The following CLNK variants were observed in gnomAD, a reference collection of about 807,000 sequenced individuals.
CLNK encodes cytokine-dependent hematopoietic cell linker.
A neutral mutation model predicts 68.6 loss-of-function variants in CLNK; 74 were observed. The observed-to-expected ratio is 1.08, with a 90% CI of 0.89 to 1.31. CLNK has a LOEUF of 1.31. Ranked by LOEUF, CLNK falls within the 50% of genes most tolerant of loss-of-function variation. The probability of loss-of-function intolerance (pLI) is 0.00; values close to 1 mark genes in which losing one functional copy is unlikely to be tolerated. For missense variants in CLNK, 553 were observed against 515.3 expected (o/e 1.07, Z -0.71); for synonymous variants, 198 against 172.2 (o/e 1.15, Z -1.17).
At chr4:10,549,468 A>T (rs1288144286) in intron 8 of CLNK, among the ~76,000 whole-genome samples, 2 of 152,190 alleles carry the variant, frequency 1.3e-5, no homozygotes, top group Non-Finnish European at 2.9e-5. Flanking sequence ...TTGAATCTTG[A>T]TCCTGTTCAT....
At chr4:10,671,176 A>T (rs1724618849) in intron 1 of CLNK, among the ~76,000 whole-genome samples, 2 of 152,146 alleles carry the variant, frequency 1.3e-5, no homozygotes, top group Non-Finnish European at 2.9e-5. Context: ...ACCTGAGGCC[A>T]GGAGTTCGAG....
intron 1 of CLNK, among the ~76,000 whole-genome samples, chr4:10,671,935 A>G (rs1724660587): frequency 6.6e-6 from 1 of 152,172 alleles, no homozygotes; most frequent in African/African-American, 2.4e-5. Context: ...TCTAAGATAA[A>G]AGTTTGCTAG....
At chr4:10,662,587 C>T (rs559354822) in intron 2 of CLNK, among the ~76,000 whole-genome samples, 1 of 152,008 alleles carries the variant, frequency 6.6e-6, no homozygotes, top group Non-Finnish European at 1.5e-5. Flanking sequence ...GGGTGAGAAA[C>T]CTTATTTAAG....
intron 2 of CLNK, among the ~76,000 whole-genome samples, chr4:10,662,090 C>T (rs1488653054): frequency 6.6e-6 from 1 of 152,142 alleles, no homozygotes; most frequent in Non-Finnish European, 1.5e-5. Flanking sequence ...TGTGTTCCTA[C>T]ATAATATTAG....
At chr4:10,580,671 A>T (rs986234712) in intron 4 of CLNK, among the ~76,000 whole-genome samples, 8 of 152,114 alleles carry the variant, frequency 5.3e-5, no homozygotes, top group Non-Finnish European at 1.2e-4. Context: ...AAAATTAAAA[A>T]TAGAAAAAAT....
chr4:10,725,953 A>G, the CLNK span, among the ~76,000 whole-genome samples: 1 of 152,262 alleles, frequency 6.6e-6, no homozygotes, highest in African/African-American at 2.4e-5. Flanking sequence ...TCAAAGCAGC[A>G]CAAACAGAGT....
chr4:10,594,490 C>G (rs949163353), intron 3 of CLNK, among the ~76,000 whole-genome samples: 3 of 152,224 alleles, frequency 2.0e-5, no homozygotes, highest in African/African-American at 7.2e-5. Context: ...GGCTCCAGCA[C>G]GTGTCCTTCT....
intron 2 of CLNK, among the ~76,000 whole-genome samples, chr4:10,625,091 A>G (rs1395094456): frequency 6.6e-6 from 1 of 152,224 alleles, no homozygotes; most frequent in Non-Finnish European, 1.5e-5. Flanking sequence ...AGCTGCAGGC[A>G]AGCCAAGATC....
the CLNK span, among the ~76,000 whole-genome samples, chr4:10,722,175 T>G: frequency 6.6e-6 from 1 of 151,894 alleles, no homozygotes; most frequent in Non-Finnish European, 1.5e-5. Flanking sequence ...GTCTCAAAAA[T>G]AAGTAAATAA....
chr4:10,667,774 AT>A, intron 2 of CLNK, 84 bp downstream of exon 2: 2 of 1,335,160 alleles, frequency 1.5e-6, no homozygotes, highest in Non-Finnish European at 2.0e-6. Context: ...CATTGGCATC[AT>A]TTCTCAGTTC....
At chr4:10,493,998 G>C (rs915242535) in intron 18 of CLNK, among the ~76,000 whole-genome samples, 1 of 152,188 alleles carries the variant, frequency 6.6e-6, no homozygotes, top group African/African-American at 2.4e-5. Flanking sequence ...CAGGCCTTAT[G>C]ATTAACTCCT....
chr4:10,693,606 C>A, the CLNK span, among the ~76,000 whole-genome samples: 3 of 152,212 alleles, frequency 2.0e-5, no homozygotes, highest in Non-Finnish European at 4.4e-5. Context: ...GCCTCCAGAA[C>A]CCTGAGAGGA....
intron 2 of CLNK, among the ~76,000 whole-genome samples, chr4:10,600,238 A>G (rs539093776): frequency 1.3e-5 from 2 of 152,170 alleles, no homozygotes; most frequent in East Asian, 1.9e-4. Context: ...TTCAAGGTCA[A>G]TTTCAAATAT....
intron 8 of CLNK, among the ~76,000 whole-genome samples, chr4:10,550,522 A>G (rs1326034433): frequency 1.3e-5 from 2 of 152,084 alleles, no homozygotes; most frequent in African/African-American, 4.8e-5. Flanking sequence ...AAAAAATTAC[A>G]TAAACATACA....
chr4:10,557,117 AAATG>A (rs1160548269), intron 8 of CLNK, among the ~76,000 whole-genome samples: 3 of 151,274 alleles, frequency 2.0e-5, no homozygotes, highest in East Asian at 1.9e-4. Flanking sequence ...ATAAATAAAT[AAATG>A]GAGAACTCAG....
intron 1 of CLNK, among the ~76,000 whole-genome samples, chr4:10,680,260 C>T (rs1046342898): frequency 2.0e-5 from 3 of 150,878 alleles, no homozygotes; most frequent in South Asian, 2.1e-4. Flanking sequence ...AGCAAGCTAT[C>T]GCAAGGACAA....
chr4:10,657,111 T>A (rs896063160), intron 2 of CLNK, among the ~76,000 whole-genome samples: 7 of 152,208 alleles, frequency 4.6e-5, no homozygotes, highest in Non-Finnish European at 4.4e-5. Flanking sequence ...GTACTGAGAC[T>A]TCTTAACTTT....
At chr4:10,665,924 A>C (rs148876788) in intron 2 of CLNK, among the ~76,000 whole-genome samples, 3 of 152,232 alleles carry the variant, frequency 2.0e-5, no homozygotes, top group Non-Finnish European at 4.4e-5. Flanking sequence ...GATGTAGTTA[A>C]GGATCTTGAT....
intron 18 of CLNK, 84 bp from the exon 19 acceptor site, chr4:10,490,697 G>T: frequency 9.0e-7 from 1 of 1,106,802 alleles, no homozygotes; most frequent in Non-Finnish European, 1.3e-6. Context: ...GCTTCATTTT[G>T]CATGGGGAAG....
Sources: allele counts gnomAD v4.1 joint callset (sites outside exome capture counted in the v4.1 genomes callset), GRCh38; gene constraint gnomAD v4.1.1; transcripts MANE v1.5; gene names NCBI Gene and HGNC (gene_info 2026-07-23, HGNC 2026-07-21).